TRIO: variants seen among roughly 807,000 people sequenced by gnomAD.
TRIO encodes the protein triple functional domain protein.
Under a neutral mutation model 351.9 loss-of-function variants are expected in TRIO, and 58 were observed. That is an observed-to-expected ratio of 0.16 (90% CI 0.13 to 0.21). The LOEUF is 0.21. Ranked by LOEUF, TRIO falls within the 10% of genes least tolerant of loss-of-function variation. The pLI is 1.00. For synonymous variants in TRIO, 1,758 were observed against 1,595.7 expected, an observed-to-expected ratio of 1.10 and a Z score of -2.42; for missense variants, 3,201 against 4,027.8, an observed-to-expected ratio of 0.79 and a Z score of 5.56.
chr5:14,289,438 G>C (rs1351135198), intron 4 of TRIO, among the ~76,000 whole-genome samples: 2 of 152,102 alleles, frequency 1.3e-5, no homozygotes, highest in Non-Finnish European at 2.9e-5. Flanking sequence ...TGTAATTCCA[G>C]CTACTCAAGA....
intron 55 of TRIO, among the ~76,000 whole-genome samples, chr5:14,505,530 G>T (rs1009846784): frequency 6.6e-6 from 1 of 152,188 alleles, no homozygotes; most frequent in Non-Finnish European, 1.5e-5. Flanking sequence ...GCCCCCATGG[G>T]GTCATGTAGG....
chr5:14,287,775 T>G (rs1387414299), intron 4 of TRIO, among the ~76,000 whole-genome samples: 1 of 152,228 alleles, frequency 6.6e-6, no homozygotes, highest in Non-Finnish European at 1.5e-5. Flanking sequence ...CTTGCTCCAT[T>G]TGGAATAAGA....
chr5:14,392,240 G>GAA (rs113769072), intron 27 of TRIO, among the ~76,000 whole-genome samples: 5,071 of 142,038 alleles, frequency 0.036, 301 homozygotes, highest in African/African-American at 0.12. Context: ...AAATTTACAA[G>GAA]AAAAAAAAAA....
At chr5:14,488,820 G>C (rs949680022) in intron 48 of TRIO, 4 of 655,866 alleles carry the variant, frequency 6.1e-6, no homozygotes, top group Middle Eastern at 3.6e-4. Flanking sequence ...AACGCTTTAC[G>C]TCACCGTGTT....
At chr5:14,398,619 G>T (rs1006792122) in intron 29 of TRIO, among the ~76,000 whole-genome samples, 1 of 152,154 alleles carries the variant, frequency 6.6e-6, no homozygotes, top group East Asian at 1.9e-4. Context: ...CCCACCAGAG[G>T]GATAGAACTC....
chr5:14,383,505 G>T (rs1271239255), intron 21 of TRIO, among the ~76,000 whole-genome samples: 1 of 152,184 alleles, frequency 6.6e-6, no homozygotes, highest in African/African-American at 2.4e-5. Context: ...TTTTCCTCAA[G>T]TTTGATGTGT....
rs757018464 is a variant in TRIO at position 14,286,541 on chromosome 5, T to C, written c.348-330T>C. On this transcript the variant is annotated intron_variant, in intron 3 of 56. Transcript: ENST00000344204. This position sits in a 1 kb window ranked among gnomAD's most constrained non-coding sequence, Gnocchi z 4.4. ...TGCTCGCAGGAGTGACTGGAGGAGTTCATGTAATCAATTAATGCACCAAAG... is the reference window on the plus strand; with the variant it reads ...TGCTCGCAGGAGTGACTGGAGGAGTCCATGTAATCAATTAATGCACCAAAG... Among the ~76,000 whole-genome samples the C allele has an allele frequency of 6.6e-6, 1 of 152,114 alleles. No individual in the cohort carries two copies. Among genetic ancestry groups the C allele is most frequent in the Non-Finnish European group, 1.5e-5 (1 of 68,010 alleles).
intron 11 of TRIO, among the ~76,000 whole-genome samples, chr5:14,338,523 A>G (rs1361193245): frequency 1.3e-5 from 2 of 152,208 alleles, no homozygotes; most frequent in Non-Finnish European, 2.9e-5. Flanking sequence ...GTTACTTTAC[A>G]TGTTTTTACA....
chr5:14,278,967 A>T lies in TRIO; in HGVS notation c.233-1355A>T, dbSNP rs1046192586. ...GATGACAGTGTTGCATAGTTCCTTC[A>T]TCTTTATTTAAGCTTTTGGAGCCTC... On this transcript the variant is annotated intron_variant, in intron 2 of 56. Transcript: ENST00000344204. Among the ~76,000 whole-genome samples, 5 of 152,206 alleles carry T rather than the reference A, an allele frequency of 3.3e-5. No homozygotes were observed. The East Asian group carries it at 9.6e-4, about 29-fold the overall frequency.
chr5:14,404,706 C>T (rs1748552538), intron 31 of TRIO, among the ~76,000 whole-genome samples: 1 of 152,308 alleles, frequency 6.6e-6, no homozygotes, highest in East Asian at 1.9e-4. Context: ...GGTTTTCCTG[C>T]TGTCCTATGT....
At position 14,295,039 on chromosome 5, in the gene TRIO, C is replaced by T. The variant is rs182123976; in HGVS notation, c.1176+1905C>T. ...TAGCTCGGTGCCATGAAGGTGATGC[C>T]TGCTGGGGAGCTTTCTGGACCAGGC... On this transcript the variant is annotated intron_variant, in intron 6 of 56. Transcript: ENST00000344204. Among the ~76,000 whole-genome samples the T allele has an allele frequency of 5.9e-5, 9 of 152,174 alleles. No individual in the cohort carries two copies. In the East Asian group the frequency reaches 1.7e-3, roughly 29 times the overall value.
At chr5:14,362,608 T>C (rs1744248033) in intron 13 of TRIO, among the ~76,000 whole-genome samples, 1 of 152,222 alleles carries the variant, frequency 6.6e-6, no homozygotes, top group Non-Finnish European at 1.5e-5. Context: ...TAACTTTTAG[T>C]TTCCCTGGCG....
Position 14,369,359 on chromosome 5 carries a change from T to G in TRIO, c.3067-15T>G. The stretch of plus-strand genomic sequence containing the variant: ...CAGATGCCAAGTCTGAGCCTCAAAC[T>G]TTTCCTGCTCACAGGTCTGCAGCGT... On this transcript the variant is annotated splice_polypyrimidine_tract_variant and intron_variant, in intron 17 of 56. Coordinates refer to ENST00000344204, the MANE Select transcript of TRIO (RefSeq NM_007118.4). 6.3e-7 allele frequency: 1 copy of G among 1,591,182 alleles called. No homozygotes were observed. Among genetic ancestry groups the G allele is most frequent in the African/African-American group, 1.3e-5 (1 of 74,178 alleles).
chr5:14,485,122 T>A lies in TRIO; in HGVS notation c.6711T>A (p.Ala2237=). ...ENVENDPCKF[A]LTSRTGDVVE... Reference sequence around the variant, plus strand: ...TGGAAAATGATCCCTGTAAATTTGCTCTGACATCGAGGACGGGTGACGTGG... The same window carrying A: ...TGGAAAATGATCCCTGTAAATTTGCACTGACATCGAGGACGGGTGACGTGG... The change falls in exon 47 of 57, where the codon GCT becomes GCA. Residue 2237 remains alanine (A), a synonymous_variant. Transcript: ENST00000344204. 1 of 1,586,486 alleles carries A rather than the reference T, an allele frequency of 6.3e-7. No individual in the cohort carries two copies.
intron 33 of TRIO, among the ~76,000 whole-genome samples, chr5:14,413,872 G>A (rs1749410448): frequency 6.6e-6 from 1 of 152,150 alleles, no homozygotes; most frequent in Non-Finnish European, 1.5e-5. Context: ...TTTCAGACTC[G>A]AAGCAGGTAT....
intron 1 of TRIO, among the ~76,000 whole-genome samples, chr5:14,203,843 T>G (rs1791294588): frequency 6.6e-6 from 1 of 152,234 alleles, no homozygotes; most frequent in African/African-American, 2.4e-5. Flanking sequence ...TGATGGCTTA[T>G]TAGAGAAACA....
At chr5:14,209,521 A>G (rs145547440) in intron 1 of TRIO, among the ~76,000 whole-genome samples, 1,629 of 152,288 alleles carry the variant, frequency 0.011, 32 homozygotes, top group African/African-American at 0.038. Flanking sequence ...TATTTTTAAA[A>G]TGATTGCTTA....
At chr5:14,427,692 G>A (rs1363614810) in intron 34 of TRIO, among the ~76,000 whole-genome samples, 1 of 152,128 alleles carries the variant, frequency 6.6e-6, no homozygotes, top group African/African-American at 2.4e-5. Flanking sequence ...ACGTCAGGAT[G>A]GAGAGGTCCC....
intron 8 of TRIO, among the ~76,000 whole-genome samples, chr5:14,314,708 T>C (rs997526861): frequency 6.6e-6 from 1 of 152,240 alleles, no homozygotes; most frequent in Non-Finnish European, 1.5e-5. Context: ...CAGAGTACCC[T>C]GCTTCTCTGA....
Sources: allele counts gnomAD v4.1 joint callset (sites outside exome capture counted in the v4.1 genomes callset), GRCh38; gene constraint gnomAD v4.1.1; non-coding constraint Gnocchi (gnomAD v3.1); transcripts MANE v1.5; gene names NCBI Gene and HGNC (gene_info 2026-07-23, HGNC 2026-07-21).